The following CAMTA1 variants were observed in gnomAD, a reference collection of about 807,000 sequenced individuals.
CAMTA1 encodes the protein calmodulin binding transcription activator 1.
A neutral mutation model predicts 170.9 loss-of-function variants in CAMTA1; 27 were observed. The ratio of observed to expected loss-of-function variants is 0.16; its 90% CI spans 0.12 to 0.22. The LOEUF is 0.22. CAMTA1 is among the 10% of genes least tolerant of loss of function. CAMTA1 has a pLI of 1.00. For missense variants in CAMTA1, 1,619 were observed against 2,217.2 expected, an observed-to-expected ratio of 0.73 and a Z score of 5.42; for synonymous variants, 833 against 891.5, an observed-to-expected ratio of 0.93 and a Z score of 1.17.
intron 6 of CAMTA1, among the ~76,000 whole-genome samples, chr1:7,572,097 G>A (rs1350722249): frequency 6.6e-6 from 1 of 152,174 alleles, no homozygotes; most frequent in African/African-American, 2.4e-5. Flanking sequence ...TAGTGATGTT[G>A]AGCATTTTTC....
chr1:7,324,534 T>C (rs1269437861), intron 5 of CAMTA1, among the ~76,000 whole-genome samples: 2 of 152,252 alleles, frequency 1.3e-5, no homozygotes, highest in East Asian at 3.8e-4. Flanking sequence ...GCATGTGATC[T>C]TTTTTCTTTC....
chr1:6,898,382 T>A (rs1417769372), intron 3 of CAMTA1, among the ~76,000 whole-genome samples: 1 of 152,034 alleles, frequency 6.6e-6, no homozygotes, highest in African/African-American at 2.4e-5. Context: ...TGAAACCCCG[T>A]CTCTACTAAA....
At chr1:6,938,711 A>G (rs1239897934) in intron 3 of CAMTA1, among the ~76,000 whole-genome samples, 2 of 152,098 alleles carry the variant, frequency 1.3e-5, no homozygotes, top group African/African-American at 4.8e-5. Flanking sequence ...AGCCTCCAGG[A>G]AGCTTGAGCT....
chr1:7,288,102 A>G (rs1263962867), intron 5 of CAMTA1, among the ~76,000 whole-genome samples: 1 of 152,204 alleles, frequency 6.6e-6, no homozygotes, highest in African/African-American at 2.4e-5. Context: ...CGTATTACGT[A>G]TGGATAACTT....
intron 3 of CAMTA1, among the ~76,000 whole-genome samples, chr1:7,068,913 G>A (rs756742403): frequency 6.6e-6 from 1 of 152,204 alleles, no homozygotes; most frequent in Non-Finnish European, 1.5e-5. Context: ...TGACAGTGGA[G>A]CAGGAAGACA....
intron 3 of CAMTA1, among the ~76,000 whole-genome samples, chr1:7,047,729 T>C (rs531750849): frequency 1.3e-5 from 2 of 151,760 alleles, no homozygotes; most frequent in South Asian, 4.2e-4. Flanking sequence ...CTCTTTTTTT[T>C]TTTTTTTTGG....
chr1:6,998,462 T>C, intron 3 of CAMTA1, among the ~76,000 whole-genome samples: 1 of 152,198 alleles, frequency 6.6e-6, no homozygotes, highest in East Asian at 1.9e-4. Context: ...GCGTCACATG[T>C]CCCTCTGCCA....
intron 3 of CAMTA1, among the ~76,000 whole-genome samples, chr1:6,966,068 G>C (rs943016176): frequency 2.0e-5 from 3 of 152,100 alleles, no homozygotes; most frequent in Non-Finnish European, 4.4e-5. Flanking sequence ...GCTTCACAGG[G>C]CTGCGCGCTG....
intron 4 of CAMTA1, among the ~76,000 whole-genome samples, chr1:7,221,032 G>A (rs1351467728): frequency 6.6e-6 from 1 of 152,124 alleles, no homozygotes; most frequent in African/African-American, 2.4e-5. Flanking sequence ...CCACCAGGTG[G>A]GAGAGCCAGG....
chr1:7,425,462 C>G (rs1470859668), intron 5 of CAMTA1, among the ~76,000 whole-genome samples: 4 of 152,144 alleles, frequency 2.6e-5, no homozygotes, highest in African/African-American at 7.2e-5. Flanking sequence ...GAAGGACAGT[C>G]CTCTAGGAGT....
Position 7,344,941 on chromosome 1 carries a change from C to T in CAMTA1, c.438+95315C>T, listed in dbSNP as rs1005461827. Among the ~76,000 whole-genome samples the T allele has an allele frequency of 3.3e-5, 5 of 151,954 alleles. No individual in the cohort carries two copies. The South Asian group carries it at 6.2e-4, about 19-fold the overall frequency. ...TTTTTTGTATTTTTTTTAGTAGAGACGGGGTTTCACCGTGTTAGCCAGGAT... is the reference window on the plus strand; with the variant it reads ...TTTTTTGTATTTTTTTTAGTAGAGATGGGGTTTCACCGTGTTAGCCAGGAT... On this transcript the variant is annotated intron_variant, in intron 5 of 22. Coordinates refer to ENST00000303635, the MANE Select transcript of CAMTA1 (RefSeq NM_015215.4).
At chr1:7,129,918 T>TG (rs1160075228) in intron 4 of CAMTA1, among the ~76,000 whole-genome samples, 5 of 100,330 alleles carry the variant, frequency 5.0e-5, no homozygotes, top group African/African-American at 2.1e-4. Context: ...TCTACCTTCT[T>TG]TTGTGTGTGT....
chr1:7,726,340 A>G (rs2096686072), intron 11 of CAMTA1, among the ~76,000 whole-genome samples: 2 of 151,900 alleles, frequency 1.3e-5, no homozygotes, highest in Admixed American at 6.6e-5. Flanking sequence ...ACATTCACCT[A>G]TACACCCCGC....
intron 6 of CAMTA1, among the ~76,000 whole-genome samples, chr1:7,568,947 C>G (rs1183059437): frequency 6.6e-6 from 1 of 151,906 alleles, no homozygotes; most frequent in Non-Finnish European, 1.5e-5. Flanking sequence ...CTACCACCAT[C>G]ACCATCTCCA....
intron 5 of CAMTA1, among the ~76,000 whole-genome samples, chr1:7,260,955 A>T (rs921380615): frequency 6.6e-6 from 1 of 152,208 alleles, no homozygotes; most frequent in Admixed American, 6.5e-5. Flanking sequence ...TCTAGGTGGC[A>T]TGTGATAAAC....
intron 3 of CAMTA1, among the ~76,000 whole-genome samples, chr1:6,979,913 C>T (rs577468854): frequency 2.6e-5 from 4 of 152,158 alleles, no homozygotes; most frequent in African/African-American, 7.2e-5. Context: ...TGGCTCTCCA[C>T]AGCTGTTTGA....
At chr1:7,247,529 C>T (rs1360368452) in intron 4 of CAMTA1, among the ~76,000 whole-genome samples, 1 of 152,198 alleles carries the variant, frequency 6.6e-6, no homozygotes, top group African/African-American at 2.4e-5. Context: ...TATCTTCATT[C>T]TCCAGTCACA....
intron 4 of CAMTA1, among the ~76,000 whole-genome samples, chr1:7,215,821 T>C (rs551163089): frequency 5.3e-5 from 8 of 152,378 alleles, no homozygotes; most frequent in Admixed American, 3.3e-4. Flanking sequence ...TTTGTAATAT[T>C]TCTATTTTAT....
chr1:6,887,630 C>G lies in CAMTA1; in HGVS notation c.234+62420C>G. The G allele has an allele frequency of 6.5e-7, 1 of 1,532,864 alleles. No homozygotes were observed. The highest frequency in any genetic ancestry group is 8.7e-7 in the Non-Finnish European group (1 of 1,145,800). The allele number at this position is 1,532,864 out of a possible 1,614,324, so 95.0% of individuals were successfully genotyped here. ...CAGAAATAGAAGCGACGGTTTTGACCCATTTTACACCTATTTATTTCAGGC... is the reference window on the plus strand; with the variant it reads ...CAGAAATAGAAGCGACGGTTTTGACGCATTTTACACCTATTTATTTCAGGC... On this transcript the variant is annotated intron_variant, in intron 3 of 22. Coordinates refer to ENST00000303635, the MANE Select transcript of CAMTA1 (RefSeq NM_015215.4). The surrounding 1 kb of genome is among the most constrained non-coding windows in gnomAD (Gnocchi z 4.1).
Sources: allele counts gnomAD v4.1 joint callset (sites outside exome capture counted in the v4.1 genomes callset), GRCh38; gene constraint gnomAD v4.1.1; non-coding constraint Gnocchi (gnomAD v3.1); transcripts MANE v1.5; gene names NCBI Gene and HGNC (gene_info 2026-07-23, HGNC 2026-07-21).